PDIA5: variants seen among roughly 807,000 people sequenced by gnomAD.
The protein encoded by PDIA5 is protein disulfide isomerase family A member 5, also known as protein disulfide-isomerase A5.
In PDIA5, 58 loss-of-function variants were observed where a neutral mutation model predicts 77.6. The observed-to-expected ratio is 0.75, with a 90% confidence interval of 0.61 to 0.93. The LOEUF (loss-of-function observed/expected upper bound fraction) is 0.93. Among genes scored for constraint, PDIA5 ranks in the 40% least tolerant of loss-of-function variants. The pLI, the probability that PDIA5 is intolerant of heterozygous loss-of-function variation, is 0.00. For missense variants in PDIA5, 630 were observed against 647.7 expected, an observed-to-expected ratio of 0.97 and a Z score of 0.30; for synonymous variants, 250 against 252.1, an observed-to-expected ratio of 0.99 and a Z score of 0.08.
chr3:123,120,875 C>T (rs1935099077), intron 8 of PDIA5, among the ~76,000 whole-genome samples: 1 of 152,166 alleles, frequency 6.6e-6, no homozygotes, highest in African/African-American at 2.4e-5. Flanking sequence ...TCCCTGCCCA[C>T]CAGCCCTGTC....
At chr3:123,139,825 G>T (rs1193020930) in intron 11 of PDIA5, among the ~76,000 whole-genome samples, 1 of 152,200 alleles carries the variant, frequency 6.6e-6, no homozygotes, top group Non-Finnish European at 1.5e-5. Context: ...TTCAGAAAGC[G>T]TGTGGAGCAG....
intron 6 of PDIA5, among the ~76,000 whole-genome samples, chr3:123,107,144 T>C (rs1333679527): frequency 1.3e-5 from 2 of 152,244 alleles, no homozygotes; most frequent in African/African-American, 4.8e-5. Context: ...CTCTCTATTG[T>C]GTAATCCAGA....
intron 16 of PDIA5, 50 bp from the exon 17 acceptor site, chr3:123,161,830 G>C: frequency 1.7e-6 from 2 of 1,203,406 alleles, no homozygotes; most frequent in Admixed American, 1.7e-5. Context: ...TGCACAGCCA[G>C]CTCAGGGATT....
At chr3:123,109,583 A>C (rs1934816197) in intron 6 of PDIA5, among the ~76,000 whole-genome samples, 1 of 152,196 alleles carries the variant, frequency 6.6e-6, no homozygotes, top group South Asian at 2.1e-4. Flanking sequence ...AATTTATTCT[A>C]GTGTTTTGGA....
chr3:123,102,519 T>C (rs1162568082), intron 4 of PDIA5, 25 bp downstream of exon 4: 2 of 1,561,200 alleles, frequency 1.3e-6, no homozygotes, highest in Non-Finnish European at 1.8e-6. Context: ...GCATTTCCAA[T>C]TTCCAAGTAA....
chr3:123,137,493 T>C (rs765149143), intron 11 of PDIA5, among the ~76,000 whole-genome samples: 95 of 152,242 alleles, frequency 6.2e-4, no homozygotes, highest in Non-Finnish European at 2.2e-4. Context: ...CCTTTCATTG[T>C]ACAAAGCTTT....
chr3:123,080,155 T>G (rs79872028), intron 1 of PDIA5, among the ~76,000 whole-genome samples: 18,298 of 148,716 alleles, frequency 0.12, 1,322 homozygotes, highest in Non-Finnish European at 0.17. Flanking sequence ...TGGGTGTGTG[T>G]GTGGGGGGGA....
intron 13 of PDIA5, among the ~76,000 whole-genome samples, chr3:123,149,105 G>A (rs183456987): frequency 2.0e-5 from 3 of 152,312 alleles, no homozygotes; most frequent in African/African-American, 7.2e-5. Context: ...GGAGGGGCCC[G>A]TCTTAGTCAC....
At chr3:123,120,799 C>A (rs1195379429) in intron 8 of PDIA5, among the ~76,000 whole-genome samples, 1 of 151,946 alleles carries the variant, frequency 6.6e-6, no homozygotes, top group Admixed American at 6.6e-5. Context: ...TCTTTCCCCA[C>A]CCCCCACCTC....
intron 10 of PDIA5, among the ~76,000 whole-genome samples, chr3:123,124,965 A>G (rs1411211170): frequency 1.3e-5 from 2 of 152,182 alleles, no homozygotes; most frequent in African/African-American, 2.4e-5. Flanking sequence ...GTTTTATAAC[A>G]TGATTAGATC....
At chr3:123,100,711 T>C (rs76294382) in intron 3 of PDIA5, among the ~76,000 whole-genome samples, 15 of 152,196 alleles carry the variant, frequency 9.9e-5, no homozygotes, top group East Asian at 3.8e-4. Flanking sequence ...GAGTTGCAAA[T>C]TGCATCTTTA....
At chr3:123,088,250 CCCCACCCATTGCTTTTAG>C (rs1934192663) in intron 1 of PDIA5, among the ~76,000 whole-genome samples, 1 of 152,054 alleles carries the variant, frequency 6.6e-6, no homozygotes, top group Non-Finnish European at 1.5e-5. Context: ...TTTAATAAAC[CCCCACCCATTGCTTTTAG>C]CCCACCCTTC....
chr3:123,157,840 G>T (rs1375113442), intron 15 of PDIA5, among the ~76,000 whole-genome samples: 1 of 152,238 alleles, frequency 6.6e-6, no homozygotes, highest in Non-Finnish European at 1.5e-5. Flanking sequence ...TATTGAAGGG[G>T]CAAGGCAGAC....
At chr3:123,072,972 C>A (rs1017534016) in intron 1 of PDIA5, among the ~76,000 whole-genome samples, 7 of 138,804 alleles carry the variant, frequency 5.0e-5, no homozygotes, top group African/African-American at 2.1e-4. Context: ...TAACACCTGG[C>A]ATCTTAGGTC....
chr3:123,151,791 T>C (rs13085238), intron 14 of PDIA5, among the ~76,000 whole-genome samples: 2 of 96,422 alleles, frequency 2.1e-5, no homozygotes, highest in African/African-American at 4.1e-5. Flanking sequence ...TGGCCTGCCT[T>C]CCTGCCTGCC....
At chr3:123,161,179 G>A in intron 15 of PDIA5, 142 bp from the exon 16 acceptor site, 2 of 805,556 alleles carry the variant, frequency 2.5e-6, no homozygotes, top group Non-Finnish European at 4.0e-6. Context: ...AGCTGGGGGT[G>A]CTTTGGTTCA....
chr3:123,109,232 G>T (rs1298657589), intron 6 of PDIA5, among the ~76,000 whole-genome samples: 1 of 152,184 alleles, frequency 6.6e-6, no homozygotes, highest in African/African-American at 2.4e-5. Flanking sequence ...ATAATGAAAA[G>T]TTCCAAATTC....
intron 1 of PDIA5, chr3:123,067,574 G>A (rs546588394): frequency 3.7e-6 from 1 of 267,660 alleles, no homozygotes; most frequent in African/African-American, 2.2e-5. Flanking sequence ...CCCTGCACCT[G>A]TGTGAGTGCG....
chr3:123,110,386 G>T (rs1243803286), intron 6 of PDIA5, among the ~76,000 whole-genome samples: 3 of 152,192 alleles, frequency 2.0e-5, no homozygotes, highest in Non-Finnish European at 1.5e-5. Flanking sequence ...GATAAGGATG[G>T]TGGTGGCAGA....
Sources: allele counts gnomAD v4.1 joint callset (sites outside exome capture counted in the v4.1 genomes callset), GRCh38; gene constraint gnomAD v4.1.1; transcripts MANE v1.5; gene names NCBI Gene and HGNC (gene_info 2026-07-23, HGNC 2026-07-21).